ABL2: variants seen among roughly 807,000 people sequenced by gnomAD.
The protein encoded by ABL2 is tyrosine-protein kinase ABL2.
Under a neutral mutation model 107.7 loss-of-function variants are expected in ABL2, and 49 were observed. That is an observed-to-expected ratio of 0.45 (90% CI 0.36 to 0.58). The LOEUF is 0.58. Among genes scored for constraint, ABL2 ranks in the 20% least tolerant of loss-of-function variants. ABL2 has a pLI of 0.00. For missense variants in ABL2, 1,245 were observed against 1,457.0 expected (o/e 0.85, Z 2.37); for synonymous variants, 549 against 548.6 (o/e 1.00, Z -0.01).
At chr1:179,183,724 A>C (rs1660514988) in intron 1 of ABL2, 1 of 152,446 alleles carries the variant, frequency 6.6e-6, no homozygotes, top group African/African-American at 2.4e-5. Context: ...CCATTTCTTC[A>C]TCTGTAAAAT....
intron 10 of ABL2, 58 bp downstream of exon 10, chr1:179,112,251 C>CA (rs1459555104): frequency 7.5e-7 from 1 of 1,334,048 alleles, no homozygotes; most frequent in Non-Finnish European, 1.1e-6. Flanking sequence ...TTACCATTAT[C>CA]ACCACCACCA....
intron 8 of ABL2, among the ~76,000 whole-genome samples, chr1:179,115,714 AG>A (rs1437300504): frequency 6.6e-6 from 1 of 152,204 alleles, no homozygotes; most frequent in African/African-American, 2.4e-5. Flanking sequence ...CTGAGGATAA[AG>A]GAGAACCACT....
chr1:179,166,129 G>A (rs900865912), intron 1 of ABL2, among the ~76,000 whole-genome samples: 6 of 152,038 alleles, frequency 3.9e-5, no homozygotes, highest in Non-Finnish European at 8.8e-5. Flanking sequence ...CAGACCTGAC[G>A]CTAGAAAACA....
At chr1:179,185,103 A>G (rs1660608939) in intron 1 of ABL2, among the ~76,000 whole-genome samples, 1 of 152,202 alleles carries the variant, frequency 6.6e-6, no homozygotes, top group Non-Finnish European at 1.5e-5. Context: ...CTGTGTCTCT[A>G]CGTGAATATG....
intron 1 of ABL2, among the ~76,000 whole-genome samples, chr1:179,136,091 G>A (rs186727203): frequency 6.7e-6 from 1 of 149,012 alleles, no homozygotes; most frequent in Admixed American, 6.6e-5. Context: ...AGGTGGGGGG[G>A]GTCAGCCCCC....
chr1:179,168,384 A>AT (rs142637024), intron 1 of ABL2, among the ~76,000 whole-genome samples: 20 of 149,462 alleles, frequency 1.3e-4, no homozygotes, highest in South Asian at 8.5e-4. Flanking sequence ...TGTATTTGTT[A>AT]TTTTTTTTTT....
intron 2 of ABL2, among the ~76,000 whole-genome samples, chr1:179,132,639 G>A (rs1656454741): frequency 6.6e-6 from 1 of 151,888 alleles, no homozygotes; most frequent in African/African-American, 2.4e-5. Context: ...CCGAGTTCAA[G>A]CGTGATTCTC....
At chr1:179,164,893 T>C (rs1215257330) in intron 1 of ABL2, among the ~76,000 whole-genome samples, 1 of 152,226 alleles carries the variant, frequency 6.6e-6, no homozygotes, top group Non-Finnish European at 1.5e-5. Flanking sequence ...AAACCCTATA[T>C]ATACTATGCT....
chr1:179,109,046 CAGT>C lies in ABL2; in HGVS notation c.2218_2220del (p.Thr740del). 7.2e-7 allele frequency: 1 copy of C among 1,393,178 alleles called. No homozygotes were observed. The allele number at this position is 1,393,178 out of a possible 1,614,324, so 86.3% of individuals were successfully genotyped here. On this transcript the variant is annotated inframe_deletion, in exon 12 of 12. Transcript: ENST00000502732. Reference sequence around the variant, plus strand: ...GTGATGCCAGACCACCCACCCCCAGCAGTGCCACTGCCCCCACCCCCACCACCG... The same window carrying C: ...GTGATGCCAGACCACCCACCCCCAGCGCCACTGCCCCCACCCCCACCACCG...
chr1:179,158,324 A>G (rs1658835356), intron 1 of ABL2, among the ~76,000 whole-genome samples: 1 of 152,250 alleles, frequency 6.6e-6, no homozygotes, highest in African/African-American at 2.4e-5. Context: ...ATACTTGGTT[A>G]TATAAACCAG....
chr1:179,197,756 C>A (rs1489552213), intron 1 of ABL2, among the ~76,000 whole-genome samples: 2 of 151,204 alleles, frequency 1.3e-5, no homozygotes, highest in Non-Finnish European at 2.9e-5. Flanking sequence ...GTAGTCCCAG[C>A]TAATCGGGAG....
rs753736413 is a variant in ABL2 at position 179,099,940 on chromosome 1, T to G, written c.*7778A>C. Reference sequence around the variant, plus strand: ...ACAGTCAACACACCAACCACGCCACTGCTGTTCATCCAAGGAAAGATCTGA... The same window carrying G: ...ACAGTCAACACACCAACCACGCCACGGCTGTTCATCCAAGGAAAGATCTGA... On this transcript the variant is annotated 3_prime_UTR_variant, in exon 12 of 12. Coordinates refer to ENST00000502732, the MANE Select transcript of ABL2 (RefSeq NM_007314.4). 10 of 232,454 alleles carry G rather than the reference T, an allele frequency of 4.3e-5. No homozygotes were observed. Among genetic ancestry groups the G allele is most frequent in the Non-Finnish European group, 8.5e-5 (10 of 117,640 alleles). The allele number at this position is 232,454 out of a possible 1,614,324, so 14.4% of individuals were successfully genotyped here.
chr1:179,229,208 C>CCCCCCCCCCCCCCCCCCCCCCCCCACACA, intron 1 of ABL2, 33 bp downstream of exon 1: 1 of 1,488,058 alleles, frequency 6.7e-7, no homozygotes, highest in Non-Finnish European at 9.0e-7. Context: ...CGGCCTCCCC[C>CCCCCCCCCCCCCCCCCCCCCCCCCACACA]ACGCTCTCAT....
At chr1:179,125,283 T>TTAC (rs933370615) in intron 4 of ABL2, among the ~76,000 whole-genome samples, 1 of 152,234 alleles carries the variant, frequency 6.6e-6, no homozygotes, top group Non-Finnish European at 1.5e-5. Flanking sequence ...GGTGGTGGTG[T>TTAC]GTGTAGCAGT....
At chr1:179,137,931 T>C (rs1273313226) in intron 1 of ABL2, 1 of 152,172 alleles carries the variant, frequency 6.6e-6, no homozygotes, top group Non-Finnish European at 1.5e-5. Context: ...AGAAGGATGA[T>C]TGATTAAACT....
At chr1:179,157,228 G>A (rs1461425885) in intron 1 of ABL2, among the ~76,000 whole-genome samples, 1 of 152,108 alleles carries the variant, frequency 6.6e-6, no homozygotes, top group African/African-American at 2.4e-5. Context: ...TCTGGGCACA[G>A]TCACACCTAT....
intron 1 of ABL2, among the ~76,000 whole-genome samples, chr1:179,213,221 T>C (rs1348102390): frequency 1.3e-5 from 2 of 152,154 alleles, no homozygotes; most frequent in Non-Finnish European, 2.9e-5. Flanking sequence ...TTTATATTCA[T>C]TTTTTCCATA....
At chr1:179,131,769 A>C (rs1260923494) in intron 2 of ABL2, among the ~76,000 whole-genome samples, 2 of 152,346 alleles carry the variant, frequency 1.3e-5, no homozygotes, top group Admixed American at 1.3e-4. Flanking sequence ...CTAATAGGAA[A>C]CGCAGTTTTC....
In ABL2 at chr1:179,210,747, G is replaced by A. The variant is rs1037760370; in HGVS notation, c.157+18494C>T. Among the ~76,000 whole-genome samples the A allele has an allele frequency of 2.9e-4, 44 of 151,626 alleles. 1 individual carries two copies. Among genetic ancestry groups the A allele is most frequent in the African/African-American group, 8.9e-4 (37 of 41,468 alleles). Reference sequence around the variant, plus strand: ...CGGGCGCCTGTAGTCCCAGCTACTCGGGAGGCTGAGGCAGGAGAATTGCTT... The same window carrying A: ...CGGGCGCCTGTAGTCCCAGCTACTCAGGAGGCTGAGGCAGGAGAATTGCTT... On this transcript the variant is annotated intron_variant, in intron 1 of 11. Coordinates refer to ENST00000502732, the MANE Select transcript of ABL2 (RefSeq NM_007314.4).
Sources: gnomAD v4.1 joint callset for allele counts (sites outside exome capture counted in the v4.1 genomes callset) on GRCh38, gnomAD v4.1.1 for gene constraint, MANE v1.5 for transcripts, NCBI Gene and HGNC (gene_info 2026-07-23, HGNC 2026-07-21) for gene names.